The following ATRNL1 variants were observed in gnomAD, a reference collection of about 807,000 sequenced individuals.
The protein encoded by ATRNL1 is attractin like 1, also known as attractin-like protein 1.
A neutral mutation model predicts 182.7 loss-of-function variants in ATRNL1; 95 were observed. That is an observed-to-expected ratio of 0.52 (90% CI 0.44 to 0.62). The LOEUF (loss-of-function observed/expected upper bound fraction) is 0.62, where lower values mean the gene tolerates loss of function less well. Among genes scored for constraint, ATRNL1 ranks in the 20% least tolerant of loss-of-function variants. The probability of loss-of-function intolerance (pLI) is 0.00; values close to 1 mark genes in which losing one functional copy is unlikely to be tolerated. For missense variants in ATRNL1, 1,471 were observed against 1,679.5 expected, an observed-to-expected ratio of 0.88 and a Z score of 2.17; for synonymous variants, 576 against 568.3, an observed-to-expected ratio of 1.01 and a Z score of -0.19.
At chr10:115,390,773 C>A (rs1187689069) in intron 19 of ATRNL1, among the ~76,000 whole-genome samples, 1 of 152,128 alleles carries the variant, frequency 6.6e-6, no homozygotes, top group Non-Finnish European at 1.5e-5. Flanking sequence ...TACTAATTAT[C>A]CCAATCCATG....
At chr10:115,760,108 T>G (rs1382903432) in intron 27 of ATRNL1, among the ~76,000 whole-genome samples, 1 of 151,784 alleles carries the variant, frequency 6.6e-6, no homozygotes, top group African/African-American at 2.4e-5. Context: ...TATTTTTCCA[T>G]GTGGCTCATT....
intron 25 of ATRNL1, among the ~76,000 whole-genome samples, chr10:115,542,827 C>T (rs1402092832): frequency 1.3e-5 from 2 of 152,158 alleles, no homozygotes; most frequent in Admixed American, 1.3e-4. Context: ...CTCTTCCTGG[C>T]TCTGCAAATG....
chr10:115,928,182 C>T (rs1008178268), intron 28 of ATRNL1, among the ~76,000 whole-genome samples: 2 of 151,996 alleles, frequency 1.3e-5, no homozygotes, highest in Admixed American at 6.6e-5. Flanking sequence ...TTACATCTAT[C>T]TTTGTGAGAA....
At position 115,146,372 on chromosome 10, in the gene ATRNL1, G is replaced by A. The variant is rs1053246667; in HGVS notation, c.830-13668G>A. Among the ~76,000 whole-genome samples the A allele has an allele frequency of 3.3e-5, 5 of 151,788 alleles. No homozygotes were observed. In the East Asian group the frequency reaches 7.7e-4, roughly 23 times the overall value. On this transcript the variant is annotated intron_variant, in intron 5 of 28. Transcript: ENST00000355044. Reference sequence around the variant, plus strand: ...ATACATAATATTTACATATTTATGGGGTATATGTGAGTATTTGTTATCCGC... The same window carrying A: ...ATACATAATATTTACATATTTATGGAGTATATGTGAGTATTTGTTATCCGC...
intron 27 of ATRNL1, among the ~76,000 whole-genome samples, chr10:115,741,352 A>G (rs1948134332): frequency 1.3e-5 from 2 of 152,118 alleles, no homozygotes; most frequent in South Asian, 4.1e-4. Flanking sequence ...GTGAGGATGG[A>G]GACAGGTAAG....
chr10:115,397,685 A>G (rs1400286705), intron 20 of ATRNL1, among the ~76,000 whole-genome samples: 1 of 151,964 alleles, frequency 6.6e-6, no homozygotes, highest in Non-Finnish European at 1.5e-5. Context: ...TTTCTGGGAA[A>G]AGAAAATAGG....
chr10:115,796,104 C>G (rs1314757351), intron 27 of ATRNL1, among the ~76,000 whole-genome samples: 6 of 151,884 alleles, frequency 4.0e-5, no homozygotes, highest in Non-Finnish European at 8.8e-5. Context: ...CTTTGGATCC[C>G]CACATGGGCC....
intron 28 of ATRNL1, among the ~76,000 whole-genome samples, chr10:115,926,017 A>G (rs1555120022): frequency 6.6e-6 from 1 of 152,144 alleles, no homozygotes; most frequent in African/African-American, 2.4e-5. Context: ...TGGAAGTAAA[A>G]CACTCTTCAG....
intron 22 of ATRNL1, among the ~76,000 whole-genome samples, chr10:115,464,258 T>C (rs1847948155): frequency 6.6e-6 from 1 of 152,032 alleles, no homozygotes; most frequent in Non-Finnish European, 1.5e-5. Context: ...AATTATTATG[T>C]ATTATTGGCC....
intron 26 of ATRNL1, among the ~76,000 whole-genome samples, chr10:115,706,426 G>A (rs1565304625): frequency 1.3e-5 from 2 of 151,896 alleles, no homozygotes; most frequent in Non-Finnish European, 2.9e-5. Context: ...AGTCTCTTTT[G>A]CCATATAAGG....
intron 27 of ATRNL1, among the ~76,000 whole-genome samples, chr10:115,751,680 G>C (rs782590803): frequency 6.6e-6 from 1 of 151,986 alleles, no homozygotes; most frequent in Non-Finnish European, 1.5e-5. Flanking sequence ...GTGGTATTAC[G>C]TTGTACTATG....
chr10:115,661,438 A>C (rs1162854876), intron 26 of ATRNL1, among the ~76,000 whole-genome samples: 4 of 152,184 alleles, frequency 2.6e-5, no homozygotes, highest in African/African-American at 9.6e-5. Context: ...AATATGGTTA[A>C]ATTTAATAAA....
chr10:115,426,674 A>G (rs1262086433), intron 21 of ATRNL1, among the ~76,000 whole-genome samples: 1 of 152,156 alleles, frequency 6.6e-6, no homozygotes, highest in African/African-American at 2.4e-5. Context: ...CTGATTTTGT[A>G]CCAACAGATG....
At chr10:115,224,228 C>T (rs535598221) in intron 9 of ATRNL1, among the ~76,000 whole-genome samples, 1 of 151,544 alleles carries the variant, frequency 6.6e-6, no homozygotes, top group Non-Finnish European at 1.5e-5. Flanking sequence ...AGCCACCGCG[C>T]CTGGCCAAAA....
chr10:115,772,602 T>C (rs1555076714), intron 27 of ATRNL1, among the ~76,000 whole-genome samples: 1 of 135,702 alleles, frequency 7.4e-6, no homozygotes, highest in Non-Finnish European at 1.7e-5. Flanking sequence ...TCTGTCTGTG[T>C]GTGTGTGTGT....
chr10:115,151,065 T>G (rs1311592967), intron 5 of ATRNL1, among the ~76,000 whole-genome samples: 1 of 152,328 alleles, frequency 6.6e-6, no homozygotes, highest in Middle Eastern at 3.4e-3. Flanking sequence ...CATTTTTTAT[T>G]GCTGCATAGT....
At chr10:115,712,847 G>A (rs1234995935) in intron 26 of ATRNL1, among the ~76,000 whole-genome samples, 3 of 148,480 alleles carry the variant, frequency 2.0e-5, no homozygotes, top group Non-Finnish European at 3.0e-5. Context: ...CAGGCTGGGC[G>A]ACAGAGTAAG....
chr10:115,803,006 G>C (rs1158658871), intron 27 of ATRNL1, among the ~76,000 whole-genome samples: 2 of 152,066 alleles, frequency 1.3e-5, no homozygotes, highest in Admixed American at 1.3e-4. Context: ...TAGAAGACTT[G>C]TTCCAAAATT....
intron 26 of ATRNL1, among the ~76,000 whole-genome samples, chr10:115,558,905 C>T (rs937267688): frequency 2.6e-5 from 4 of 152,084 alleles, no homozygotes; most frequent in Admixed American, 2.6e-4. Context: ...CTTCTCATCC[C>T]CCCAGCTCCC....
Sources: gnomAD v4.1 joint callset for allele counts (sites outside exome capture counted in the v4.1 genomes callset) on GRCh38, gnomAD v4.1.1 for gene constraint, MANE v1.5 for transcripts, NCBI Gene and HGNC (gene_info 2026-07-23, HGNC 2026-07-21) for gene names.